CELF2: variants seen among roughly 807,000 people sequenced by gnomAD.
The protein encoded by CELF2 is CUGBP Elav-like family member 2, also known as CUG triplet repeat RNA-binding protein 2.
Under a neutral mutation model 62.6 loss-of-function variants are expected in CELF2, and 8 were observed. The ratio of observed to expected loss-of-function variants is 0.13; its 90% CI spans 0.07 to 0.23. The LOEUF (loss-of-function observed/expected upper bound fraction) is 0.23, where lower values mean the gene tolerates loss of function less well. CELF2 is among the 10% of genes least tolerant of loss of function. The pLI, the probability that CELF2 is intolerant of heterozygous loss-of-function variation, is 1.00. For synonymous variants in CELF2, 258 were observed against 250.0 expected, an observed-to-expected ratio of 1.03 and a Z score of -0.30; for missense variants, 333 against 671.0, an observed-to-expected ratio of 0.50 and a Z score of 5.56.
rs10624733 is a variant in CELF2 at position 11,211,784 on chromosome 10, A to ATG, written c.272-5634_272-5633dup. ...TGTGAGTGAGTGAGAGTGTGTGTGT[A>ATG]TGTGTGTGAGAGAGAGAGAGAGAGA... On this transcript the variant is annotated intron_variant, in intron 2 of 12. Coordinates refer to ENST00000633077, the MANE Select transcript of CELF2 (RefSeq NM_001326342.2). The surrounding 1 kb of genome is among the most constrained non-coding windows in gnomAD (Gnocchi z 4.8). Among the ~76,000 whole-genome samples, 14,271 of 127,650 alleles carry ATG rather than the reference A, an allele frequency of 0.11. 1,294 individuals are homozygous for ATG. The highest frequency in any genetic ancestry group is 0.47 in the East Asian group (1,947 of 4,154). The allele number at this position is 127,650 out of a possible 152,430, so 83.7% of individuals were successfully genotyped here.
At position 10,931,922 on chromosome 10, in the gene CELF2, A is replaced by G. The variant is rs1168449509; in HGVS notation, c.89+11923A>G. Among the ~76,000 whole-genome samples, 5 of 152,136 alleles carry G rather than the reference A, an allele frequency of 3.3e-5. No individual in the cohort carries two copies. Among genetic ancestry groups the G allele is most frequent in the South Asian group, 2.1e-4 (1 of 4,822 alleles). The stretch of plus-strand genomic sequence containing the variant: ...GTCTTACATGGTGGCTGGCAAGAGA[A>G]CTTGTGCAGGGGAACTGCCCTTTAT... On this transcript the variant is annotated intron_variant, in intron 2 of 13. Transcript: ENST00000636488. This position sits in a 1 kb window ranked among gnomAD's most constrained non-coding sequence, Gnocchi z 6.1.
At chr10:10,579,231 G>T in the CELF2 span, among the ~76,000 whole-genome samples, 1 of 152,172 alleles carries the variant, frequency 6.6e-6, no homozygotes, top group South Asian at 2.1e-4. Flanking sequence ...CCAATGAACT[G>T]CTTCAGGGGA....
chr10:10,570,623 A>T, the CELF2 span, among the ~76,000 whole-genome samples: 1 of 152,140 alleles, frequency 6.6e-6, no homozygotes, highest in Non-Finnish European at 1.5e-5. Flanking sequence ...ATATCTGTAT[A>T]TAAATAAATA....
At chr10:10,948,936 T>C (rs565678118) in intron 2 of CELF2, among the ~76,000 whole-genome samples, 93 of 152,292 alleles carry the variant, frequency 6.1e-4, no homozygotes, top group Non-Finnish European at 1.2e-3. Flanking sequence ...GTAAGTTTCC[T>C]GCTCCTGAGT....
chr10:10,688,781 C>T, the CELF2 span, among the ~76,000 whole-genome samples: 1 of 152,002 alleles, frequency 6.6e-6, no homozygotes, highest in Non-Finnish European at 1.5e-5. Context: ...AAGAGTGTCA[C>T]TTGAAGCCAG....
At chr10:11,200,905 A>C (rs1410452216) in intron 2 of CELF2, among the ~76,000 whole-genome samples, 10 of 152,232 alleles carry the variant, frequency 6.6e-5, no homozygotes, top group Non-Finnish European at 1.3e-4. Flanking sequence ...ATTGTTCATC[A>C]GTGAGGATGA....
the CELF2 span, among the ~76,000 whole-genome samples, chr10:10,527,672 C>T: frequency 6.6e-6 from 1 of 152,184 alleles, no homozygotes; most frequent in Non-Finnish European, 1.5e-5. Flanking sequence ...TCCAAGCCAT[C>T]TCTAGCAGTG....
the CELF2 span, among the ~76,000 whole-genome samples, chr10:10,663,361 A>G: frequency 6.6e-6 from 1 of 152,340 alleles, no homozygotes; most frequent in South Asian, 2.1e-4. Flanking sequence ...TTTCCCCCAA[A>G]GAATAAAAGC....
intron 2 of CELF2, among the ~76,000 whole-genome samples, chr10:11,181,603 C>A (rs896831121): frequency 2.0e-5 from 3 of 152,232 alleles, no homozygotes; most frequent in Admixed American, 2.0e-4. Flanking sequence ...CTCCTGGACA[C>A]CCCAGCAGAG....
At chr10:10,798,755 C>T (rs1267077091) in exon 1 of CELF2, 2 of 398,714 alleles carry the variant, frequency 5.0e-6, no homozygotes, top group Non-Finnish European at 8.8e-6. Context: ...CCTCAGCCGG[C>T]TCCTAGACAA....
Position 11,110,442 on chromosome 10 carries a change from C to A in CELF2, c.75-55044C>A, listed in dbSNP as rs1410926343. Reference sequence around the variant, plus strand: ...ATCTAACGCTTAGTACTTCTTTTCCCATCTCCTACTACCTAAGTCGGGACA... The same window carrying A: ...ATCTAACGCTTAGTACTTCTTTTCCAATCTCCTACTACCTAAGTCGGGACA... On this transcript the variant is annotated intron_variant, in intron 1 of 12. Coordinates refer to ENST00000633077, the MANE Select transcript of CELF2 (RefSeq NM_001326342.2). This position sits in a 1 kb window ranked among gnomAD's most constrained non-coding sequence, Gnocchi z 4.0. Among the ~76,000 whole-genome samples, 1 of 152,176 alleles carries A rather than the reference C, an allele frequency of 6.6e-6. No individual in the cohort carries two copies. The highest frequency in any genetic ancestry group is 1.5e-5 in the Non-Finnish European group (1 of 68,040).
At chr10:11,202,951 C>CTG (rs3055302) in intron 2 of CELF2, among the ~76,000 whole-genome samples, 2,202 of 53,734 alleles carry the variant, frequency 0.041, 108 homozygotes, top group Non-Finnish European at 0.052. Flanking sequence ...CTCTCTCTCT[C>CTG]TGTGTGTGTG....
the CELF2 span, among the ~76,000 whole-genome samples, chr10:10,606,253 G>T: frequency 6.6e-6 from 1 of 152,274 alleles, no homozygotes; most frequent in Admixed American, 6.5e-5. Flanking sequence ...AAAAAAACGT[G>T]ATTGAGGAGA....
At chr10:10,552,696 A>G in the CELF2 span, among the ~76,000 whole-genome samples, 3 of 152,176 alleles carry the variant, frequency 2.0e-5, no homozygotes, top group African/African-American at 7.2e-5. Context: ...TGGGTCAGAG[A>G]TCAGAGAGAT....
intron 2 of CELF2, among the ~76,000 whole-genome samples, chr10:10,961,428 G>A (rs937376202): frequency 3.3e-5 from 5 of 152,198 alleles, no homozygotes; most frequent in African/African-American, 1.2e-4. Context: ...AATGGTCTCA[G>A]TAACACGGAA....
intron 8 of CELF2, among the ~76,000 whole-genome samples, chr10:11,275,909 C>T (rs1407143084): frequency 2.0e-5 from 3 of 152,096 alleles, no homozygotes; most frequent in South Asian, 2.1e-4. Context: ...CCGTGAGGAA[C>T]GGTCAGAGAG....
intron 1 of CELF2, among the ~76,000 whole-genome samples, chr10:11,044,308 T>C (rs1056520421): frequency 2.0e-5 from 3 of 152,252 alleles, no homozygotes; most frequent in Non-Finnish European, 2.9e-5. Flanking sequence ...TACTGATATA[T>C]CTGCATAGCC....
the CELF2 span, among the ~76,000 whole-genome samples, chr10:10,492,743 C>T: frequency 1.2e-4 from 18 of 152,170 alleles, no homozygotes; most frequent in Non-Finnish European, 2.1e-4. Flanking sequence ...TTGGCTGTGT[C>T]CCCACCCAAA....
At chr10:10,739,542 C>T in the CELF2 span, among the ~76,000 whole-genome samples, 459 of 152,294 alleles carry the variant, frequency 3.0e-3, 1 homozygote, top group African/African-American at 0.01. Flanking sequence ...TAGTATCTTA[C>T]ATAATCATAG....
Sources: gnomAD v4.1 joint callset for allele counts (sites outside exome capture counted in the v4.1 genomes callset) on GRCh38, gnomAD v4.1.1 for gene constraint, Gnocchi (gnomAD v3.1) non-coding constraint, MANE v1.5 for transcripts, NCBI Gene and HGNC (gene_info 2026-07-23, HGNC 2026-07-21) for gene names.